Variants in CNTN1 observed in about 807,000 individuals in gnomAD.
CNTN1 encodes the protein contactin-1.
A neutral mutation model predicts 126.4 loss-of-function variants in CNTN1; 38 were observed. The ratio of observed to expected loss-of-function variants is 0.30; its 90% confidence interval spans 0.23 to 0.39. The LOEUF is 0.39. Among genes scored for constraint, CNTN1 ranks in the 10% least tolerant of loss-of-function variants. The probability of loss-of-function intolerance (pLI) is 1.00; values close to 1 mark genes in which losing one functional copy is unlikely to be tolerated. For synonymous variants in CNTN1, 413 were observed against 422.6 expected (o/e 0.98, Z 0.28); for missense variants, 1,009 against 1,248.4 (o/e 0.81, Z 2.89).
At chr12:40,814,792 T>G (rs1473813260) in intron 1 of CNTN1, among the ~76,000 whole-genome samples, 2 of 152,182 alleles carry the variant, frequency 1.3e-5, no homozygotes, top group African/African-American at 4.8e-5. Flanking sequence ...CTTGGGCATA[T>G]GGACATTTTC....
intron 1 of CNTN1, among the ~76,000 whole-genome samples, chr12:40,779,757 A>T (rs1361947099): frequency 6.6e-6 from 1 of 151,954 alleles, no homozygotes; most frequent in African/African-American, 2.4e-5. Context: ...CTATTTTTAA[A>T]AGAAGAAATT....
chr12:40,814,783 T>C (rs1183499200), intron 1 of CNTN1, among the ~76,000 whole-genome samples: 1 of 152,164 alleles, frequency 6.6e-6, no homozygotes. Context: ...ATAAATTACC[T>C]TGGGCATATG....
intron 1 of CNTN1, among the ~76,000 whole-genome samples, chr12:40,760,533 T>A (rs1938818091): frequency 6.6e-6 from 1 of 152,194 alleles, no homozygotes; most frequent in Non-Finnish European, 1.5e-5. Flanking sequence ...TGCAAATTAT[T>A]GTGTTTTAAA....
rs371349658 is a variant in CNTN1 at position 41,046,881 on chromosome 12, C to A, written c.2980+17662C>A. Among the ~76,000 whole-genome samples, 22 of 136,188 alleles carry A rather than the reference C, an allele frequency of 1.6e-4. No individual in the cohort carries two copies. The East Asian group carries it at 4.6e-3, about 28-fold the overall frequency. The allele number at this position is 136,188 out of a possible 152,430, so 89.3% of individuals were successfully genotyped here. Reference sequence around the variant, plus strand: ...TTTTTTTTTTTTGTCCTTCATTCATCCTCATGTCCTCAGCTCCTGCCTTGA... The same window carrying A: ...TTTTTTTTTTTTGTCCTTCATTCATACTCATGTCCTCAGCTCCTGCCTTGA... On this transcript the variant is annotated intron_variant, in intron 23 of 23. Transcript: ENST00000551295.
At chr12:40,890,833 A>G (rs537305428) in intron 1 of CNTN1, among the ~76,000 whole-genome samples, 2 of 152,322 alleles carry the variant, frequency 1.3e-5, no homozygotes, top group South Asian at 4.1e-4. Context: ...GTACTGACAT[A>G]CATTTTCAAC....
In CNTN1 at chr12:40,918,774, A is replaced by G; in HGVS notation, c.227+3A>G. The G allele has an allele frequency of 6.2e-7, 1 of 1,613,530 alleles. No homozygotes were observed. Among genetic ancestry groups the G allele is most frequent in the Non-Finnish European group, 8.5e-7 (1 of 1,179,526 alleles). ...GCCAGCCCTTTCCCGGTTTACAAGT[A>G]ATGTACCTCGCTTCTCTTTTCAGAG... On this transcript the variant is annotated splice_donor_region_variant and intron_variant, in intron 4 of 23. Transcript: ENST00000551295.
chr12:40,878,581 A>C (rs1223365884), intron 1 of CNTN1, among the ~76,000 whole-genome samples: 2 of 152,198 alleles, frequency 1.3e-5, no homozygotes, highest in African/African-American at 4.8e-5. Context: ...CACCTACGCA[A>C]GATCTTTATG....
intron 23 of CNTN1, among the ~76,000 whole-genome samples, chr12:41,034,638 T>C (rs545381252): frequency 6.6e-6 from 1 of 152,350 alleles, no homozygotes; most frequent in African/African-American, 2.4e-5. Context: ...CCATTTTTCA[T>C]GGGATCAATT....
intron 15 of CNTN1, chr12:40,971,873 A>G: frequency 9.3e-7 from 1 of 1,080,660 alleles, no homozygotes. Context: ...ATACAGGAGT[A>G]TTGCCATTGA....
chr12:41,007,008 G>A (rs931862766), intron 17 of CNTN1, among the ~76,000 whole-genome samples: 3 of 150,442 alleles, frequency 2.0e-5, no homozygotes, highest in Admixed American at 6.6e-5. Context: ...TCAATGAAGA[G>A]GCCATTGGAC....
In CNTN1 at chr12:40,745,326, C is replaced by T. The variant is rs142443431; in HGVS notation, c.-77+52734C>T. Among the ~76,000 whole-genome samples the T allele has an allele frequency of 3.4e-3, 518 of 152,170 alleles. 1 individual carries two copies. Among genetic ancestry groups the T allele is most frequent in the African/African-American group, 0.012 (486 of 41,534 alleles). On this transcript the variant is annotated intron_variant, in intron 1 of 23. Coordinates refer to ENST00000551295, the MANE Select transcript of CNTN1 (RefSeq NM_001843.4). ...GCTGAGAACATGTGCCCAAGGTGCT[C>T]GGCCCACAGCTAAGTTTTATACATT...
intron 17 of CNTN1, among the ~76,000 whole-genome samples, chr12:41,008,770 C>T (rs1239551710): frequency 6.6e-6 from 1 of 152,166 alleles, no homozygotes; most frequent in Non-Finnish European, 1.5e-5. Flanking sequence ...CTCTTTTAAA[C>T]AACTAGCTAT....
intron 1 of CNTN1, among the ~76,000 whole-genome samples, chr12:40,724,330 A>G (rs1942297208): frequency 6.6e-6 from 1 of 152,134 alleles, no homozygotes; most frequent in Non-Finnish European, 1.5e-5. Flanking sequence ...TTTCTACAGG[A>G]GTGTCTTTCA....
At chr12:40,760,394 C>G (rs1938810078) in intron 1 of CNTN1, among the ~76,000 whole-genome samples, 1 of 151,600 alleles carries the variant, frequency 6.6e-6, no homozygotes, top group Non-Finnish European at 1.5e-5. Context: ...TTTGTTTTAT[C>G]CTATAAAAAA....
At chr12:40,848,531 T>G (rs2772459) in intron 1 of CNTN1, among the ~76,000 whole-genome samples, 65,110 of 152,034 alleles carry the variant, frequency 0.43, 14,314 homozygotes, top group East Asian at 0.7. Flanking sequence ...TTGTTTTGAA[T>G]GAGTCAAGAG....
intron 15 of CNTN1, among the ~76,000 whole-genome samples, chr12:40,966,730 A>C (rs1175231002): frequency 1.3e-5 from 2 of 152,226 alleles, no homozygotes; most frequent in African/African-American, 2.4e-5. Context: ...GCCACAAAAT[A>C]GGTAATTCAC....
At chr12:41,049,091 C>T (rs1039618193) in intron 23 of CNTN1, among the ~76,000 whole-genome samples, 2 of 152,158 alleles carry the variant, frequency 1.3e-5, no homozygotes, top group Admixed American at 6.5e-5. Context: ...TTCTGGGCAC[C>T]AGTCTGTTTT....
At chr12:40,813,419 C>A (rs1941157725) in intron 1 of CNTN1, among the ~76,000 whole-genome samples, 1 of 151,978 alleles carries the variant, frequency 6.6e-6, no homozygotes, top group African/African-American at 2.4e-5. Context: ...TGTTCAACTC[C>A]TTCTTATGAG....
In CNTN1 at chr12:40,852,391, G is replaced by T. The variant is rs145724677; in HGVS notation, c.-76-55966G>T. ...TCAGCAATGCTTGGTTTTAAACTTG[G>T]CTGGCTCTCTCTGGGACCAGTGCTC... On this transcript the variant is annotated intron_variant, in intron 1 of 23. Transcript: ENST00000551295. Among the ~76,000 whole-genome samples, 1,226 of 152,186 alleles carry T rather than the reference G, an allele frequency of 8.1e-3. 10 individuals carry two copies. Among genetic ancestry groups the T allele is most frequent in the Non-Finnish European group, 0.013 (901 of 67,998 alleles).
Sources: allele counts gnomAD v4.1 joint callset (sites outside exome capture counted in the v4.1 genomes callset), GRCh38; gene constraint gnomAD v4.1.1; transcripts MANE v1.5; gene names NCBI Gene and HGNC (gene_info 2026-07-23, HGNC 2026-07-21).